Variants in HDAC9 observed in about 807,000 individuals in gnomAD.
HDAC9 encodes MEF-2 interacting transcription repressor (MITR) protein.
Under a neutral mutation model 139.4 loss-of-function variants are expected in HDAC9, and 41 were observed. The ratio of observed to expected loss-of-function variants is 0.29; its 90% CI spans 0.23 to 0.38. The LOEUF (loss-of-function observed/expected upper bound fraction) is 0.38. Among genes scored for constraint, HDAC9 ranks in the 10% least tolerant of loss-of-function variants. The probability of loss-of-function intolerance (pLI) is 1.00; values close to 1 mark genes in which losing one functional copy is unlikely to be tolerated. For missense variants in HDAC9, 1,147 were observed against 1,297.0 expected, an observed-to-expected ratio of 0.88 and a Z score of 1.78; for synonymous variants, 517 against 476.2, an observed-to-expected ratio of 1.09 and a Z score of -1.12.
At chr7:18,468,501 C>G (rs971517848) in intron 1 of HDAC9, among the ~76,000 whole-genome samples, 1 of 151,932 alleles carries the variant, frequency 6.6e-6, no homozygotes, top group African/African-American at 2.4e-5. Flanking sequence ...TATTCATTCA[C>G]AAGTGTGATC....
intron 2 of HDAC9, among the ~76,000 whole-genome samples, chr7:18,171,459 C>T (rs1788435629): frequency 6.6e-6 from 1 of 152,178 alleles, no homozygotes; most frequent in East Asian, 1.9e-4. Context: ...CCTGATTGCG[C>T]TGGCCAGAAC....
intron 24 of HDAC9, among the ~76,000 whole-genome samples, chr7:18,973,737 A>G (rs1784388189): frequency 6.6e-6 from 1 of 152,134 alleles, no homozygotes; most frequent in South Asian, 2.1e-4. Flanking sequence ...CCAAAGATAC[A>G]TTTTCAACCT....
intron 2 of HDAC9, among the ~76,000 whole-genome samples, chr7:18,252,050 G>C (rs952318000): frequency 1.3e-5 from 2 of 152,100 alleles, no homozygotes; most frequent in Non-Finnish European, 2.9e-5. Flanking sequence ...TTAAATGTCA[G>C]TAAGCTAGTC....
chr7:18,948,171 T>C (rs1044569605), intron 23 of HDAC9, among the ~76,000 whole-genome samples: 1 of 151,992 alleles, frequency 6.6e-6, no homozygotes, highest in African/African-American at 2.4e-5. Context: ...AAGACGAAGA[T>C]ACTCTTACTG....
chr7:18,485,781 GA>G (rs1476766952), intron 1 of HDAC9, among the ~76,000 whole-genome samples: 1 of 152,098 alleles, frequency 6.6e-6, no homozygotes, highest in African/African-American at 2.4e-5. Context: ...TTGTGACTCA[GA>G]AAGGCTAAGT....
In HDAC9 at chr7:18,538,970, A is replaced by G. The variant is rs1811813453; in HGVS notation, c.22+42646A>G. ...TATCACATGATGAGAGGGCAAGAGC[A>G]TGCCAGCTCAGGTCTCTCTTTATCT... On this transcript the variant is annotated intron_variant, in intron 2 of 25. Coordinates refer to ENST00000686413, the MANE Select transcript of HDAC9 (RefSeq NM_178425.4). 3.9e-5 allele frequency among the ~76,000 whole-genome samples: 6 copies of G among 152,336 alleles called. No individual in the cohort carries two copies. The South Asian group carries it at 1.0e-3, about 26-fold the overall frequency.
At chr7:18,359,990 A>G (rs1391786822) in intron 1 of HDAC9, among the ~76,000 whole-genome samples, 5 of 151,948 alleles carry the variant, frequency 3.3e-5, no homozygotes, top group African/African-American at 1.2e-4. Flanking sequence ...TGCTGACACC[A>G]CCTTCTGCTC....
intron 1 of HDAC9, among the ~76,000 whole-genome samples, chr7:18,143,747 C>A (rs979106492): frequency 6.7e-6 from 1 of 149,330 alleles, no homozygotes; most frequent in African/African-American, 2.5e-5. Flanking sequence ...GAGCCACGAT[C>A]GCACCATTAC....
chr7:18,260,106 A>G lies in HDAC9; in HGVS notation c.25+97757A>G, dbSNP rs558923688. 6.6e-5 allele frequency among the ~76,000 whole-genome samples: 10 copies of G among 152,264 alleles called. No individual in the cohort carries two copies. The East Asian group carries it at 1.7e-3, about 27-fold the overall frequency. Reference sequence around the variant, plus strand: ...CATTAAGTATTTAAATGAAGAATGAATGATGATCACTACAATTATTTTAAG... The same window carrying G: ...CATTAAGTATTTAAATGAAGAATGAGTGATGATCACTACAATTATTTTAAG... On this transcript the variant is annotated intron_variant, in intron 2 of 12. Coordinates refer to the HDAC9 transcript ENST00000417496.
chr7:18,819,548 T>G (rs1256951590), intron 17 of HDAC9, among the ~76,000 whole-genome samples: 1 of 152,220 alleles, frequency 6.6e-6, no homozygotes, highest in African/African-American at 2.4e-5. Flanking sequence ...TAGATTTTCT[T>G]TCCTGGATAC....
chr7:18,430,735 A>T (rs1790565547), intron 1 of HDAC9: 1 of 152,086 alleles, frequency 6.6e-6, no homozygotes, highest in Non-Finnish European at 1.5e-5. Flanking sequence ...ACAAAAAAAA[A>T]AAATAGTCAG....
intron 2 of HDAC9, among the ~76,000 whole-genome samples, chr7:18,207,616 T>G (rs1444826452): frequency 7.4e-6 from 1 of 134,368 alleles, no homozygotes; most frequent in Non-Finnish European, 1.5e-5. Flanking sequence ...AGGATAGATA[T>G]AGATGCCATG....
At chr7:18,394,798 C>T (rs573720486) in intron 1 of HDAC9, among the ~76,000 whole-genome samples, 18 of 152,154 alleles carry the variant, frequency 1.2e-4, no homozygotes, top group Admixed American at 3.9e-4. Flanking sequence ...AAGTCTTAGC[C>T]GAACTGTTGT....
At chr7:18,335,916 G>C (rs1157759708) in intron 1 of HDAC9, among the ~76,000 whole-genome samples, 2 of 151,474 alleles carry the variant, frequency 1.3e-5, no homozygotes. Flanking sequence ...ATTTCAAGAA[G>C]TACTTCAGTC....
chr7:18,832,838 C>T (rs562496590), intron 19 of HDAC9, among the ~76,000 whole-genome samples: 53 of 152,218 alleles, frequency 3.5e-4, no homozygotes, highest in Middle Eastern at 6.8e-3. Flanking sequence ...CGGGTTCAAG[C>T]GATTCTCCTG....
intron 17 of HDAC9, among the ~76,000 whole-genome samples, chr7:18,820,258 A>C (rs1403662921): frequency 2.0e-5 from 3 of 152,156 alleles, no homozygotes; most frequent in Non-Finnish European, 4.4e-5. Flanking sequence ...TATTTAAAAA[A>C]CTTGTTGAGA....
rs545357322 is a variant in HDAC9 at position 18,421,971 on chromosome 7, C to A, written c.-41-74291C>A. On this transcript the variant is annotated intron_variant, in intron 1 of 3. Coordinates refer to the HDAC9 transcript ENST00000413509. ...GCTTGATCATGTTTTTCTGTGACTG[C>A]CATTGTGTGTCTGTTGGAATCTATT... is the stretch of plus-strand genomic sequence containing the variant. Among the ~76,000 whole-genome samples the A allele has an allele frequency of 4.6e-5, 7 of 152,236 alleles. No individual in the cohort carries two copies. In the South Asian group the frequency reaches 1.5e-3, roughly 32 times the overall value.
intron 21 of HDAC9, among the ~76,000 whole-genome samples, chr7:18,861,885 A>G (rs879883121): frequency 7.2e-5 from 11 of 152,202 alleles, no homozygotes; most frequent in Non-Finnish European, 1.0e-4. Flanking sequence ...TAATTATGAT[A>G]TATTGCGTTA....
chr7:18,414,633 C>G (rs780782321), intron 1 of HDAC9, among the ~76,000 whole-genome samples: 8 of 152,120 alleles, frequency 5.3e-5, no homozygotes, highest in Admixed American at 2.0e-4. Context: ...TTGCTATTTC[C>G]AAGTTACATT....
Sources: gnomAD v4.1 joint callset for allele counts (sites outside exome capture counted in the v4.1 genomes callset) on GRCh38, gnomAD v4.1.1 for gene constraint, MANE v1.5 for transcripts, NCBI Gene and HGNC (gene_info 2026-07-23, HGNC 2026-07-21) for gene names.